The following CAP2 variants were observed in gnomAD, a reference collection of about 807,000 sequenced individuals.
The protein encoded by CAP2 is cyclase associated actin cytoskeleton regulatory protein 2.
A neutral mutation model predicts 57.7 loss-of-function variants in CAP2; 24 were observed. The ratio of observed to expected loss-of-function variants is 0.42; its 90% CI spans 0.30 to 0.58. The LOEUF (loss-of-function observed/expected upper bound fraction) is 0.58. Among genes scored for constraint, CAP2 ranks in the 20% least tolerant of loss-of-function variants. The pLI is 0.22. For synonymous variants in CAP2, 194 were observed against 207.2 expected (o/e 0.94, Z 0.55); for missense variants, 501 against 590.3 (o/e 0.85, Z 1.57).
intron 3 of CAP2, among the ~76,000 whole-genome samples, chr6:17,448,919 G>T (rs1409409980): frequency 6.6e-6 from 1 of 151,946 alleles, no homozygotes; most frequent in Non-Finnish European, 1.5e-5. Flanking sequence ...CCACCACCAC[G>T]CCAGGCTAAT....
intron 4 of CAP2, among the ~76,000 whole-genome samples, chr6:17,479,772 C>G (rs976943432): frequency 2.0e-5 from 3 of 151,710 alleles, no homozygotes; most frequent in African/African-American, 7.3e-5. Flanking sequence ...CCACCACACC[C>G]GGCTAATTTT....
At chr6:17,541,740 T>A (rs1034692131) in intron 9 of CAP2, among the ~76,000 whole-genome samples, 1 of 152,202 alleles carries the variant, frequency 6.6e-6, no homozygotes, top group Admixed American at 6.6e-5. Context: ...TACTCTGCTG[T>A]CGAATTAGAA....
At chr6:17,461,407 A>G (rs1760717016) in intron 3 of CAP2, among the ~76,000 whole-genome samples, 1 of 151,828 alleles carries the variant, frequency 6.6e-6, no homozygotes, top group Non-Finnish European at 1.5e-5. Context: ...TTGTGTTTTT[A>G]GTAGAGACAG....
chr6:17,436,825 A>G (rs1759904592), intron 3 of CAP2, among the ~76,000 whole-genome samples: 1 of 152,092 alleles, frequency 6.6e-6, no homozygotes, highest in Non-Finnish European at 1.5e-5. Flanking sequence ...AGTGGCAGGC[A>G]GGTGAGCGGC....
At chr6:17,458,034 C>T (rs916289814) in intron 3 of CAP2, among the ~76,000 whole-genome samples, 3 of 152,160 alleles carry the variant, frequency 2.0e-5, no homozygotes, top group Non-Finnish European at 4.4e-5. Flanking sequence ...TATAGCCAAG[C>T]TGTGCAAAGT....
intron 12 of CAP2, among the ~76,000 whole-genome samples, chr6:17,555,732 T>G (rs1177385340): frequency 6.6e-6 from 1 of 150,906 alleles, no homozygotes; most frequent in Non-Finnish European, 1.5e-5. Flanking sequence ...CCTGGCTAAT[T>G]TTTTGTATTT....
At chr6:17,460,666 A>G (rs573130722) in intron 3 of CAP2, among the ~76,000 whole-genome samples, 1 of 152,324 alleles carries the variant, frequency 6.6e-6, no homozygotes, top group African/African-American at 2.4e-5. Context: ...ATGATCTTTT[A>G]GGACATAAAA....
At chr6:17,469,392 G>C (rs1000946908) in intron 4 of CAP2, among the ~76,000 whole-genome samples, 5 of 151,584 alleles carry the variant, frequency 3.3e-5, no homozygotes, top group African/African-American at 9.7e-5. Flanking sequence ...AATGATCTCT[G>C]TGTGTGTGTG....
chr6:17,507,377 T>A, intron 5 of CAP2, 65 bp downstream of exon 5: 1 of 1,528,540 alleles, frequency 6.5e-7, no homozygotes, highest in Non-Finnish European at 9.0e-7. Flanking sequence ...GGAGAACTAG[T>A]AGCTTAGCTA....
chr6:17,453,371 G>A (rs561339349), intron 3 of CAP2, among the ~76,000 whole-genome samples: 125 of 152,260 alleles, frequency 8.2e-4, no homozygotes, highest in African/African-American at 2.8e-3. Flanking sequence ...TGCATGATTG[G>A]TATCACTTGG....
At chr6:17,469,546 A>G (rs1039604032) in intron 4 of CAP2, among the ~76,000 whole-genome samples, 3 of 152,146 alleles carry the variant, frequency 2.0e-5, no homozygotes, top group African/African-American at 7.2e-5. Context: ...GCTGCCTGGT[A>G]GGTTTTATTC....
intron 4 of CAP2, among the ~76,000 whole-genome samples, chr6:17,468,483 C>G (rs993640123): frequency 2.0e-5 from 3 of 152,224 alleles, no homozygotes; most frequent in Non-Finnish European, 4.4e-5. Context: ...CTGAACTGAT[C>G]TTAAGATGCA....
intron 3 of CAP2, among the ~76,000 whole-genome samples, chr6:17,447,175 TAAAA>T (rs5874607): frequency 7.5e-6 from 1 of 133,416 alleles, no homozygotes; most frequent in Non-Finnish European, 1.6e-5. Context: ...GGCAGCTAAT[TAAAA>T]AAAAAAAAAA....
At chr6:17,538,567 A>C (rs1368797317) in intron 7 of CAP2, among the ~76,000 whole-genome samples, 1 of 152,238 alleles carries the variant, frequency 6.6e-6, no homozygotes, top group African/African-American at 2.4e-5. Context: ...TGCTTTACAT[A>C]GCAGTGAAAA....
chr6:17,549,069 C>A (rs1763114701), intron 11 of CAP2, among the ~76,000 whole-genome samples: 1 of 152,098 alleles, frequency 6.6e-6, no homozygotes, highest in Non-Finnish European at 1.5e-5. Flanking sequence ...CAGAAGACAT[C>A]ATATGAAGCT....
intron 4 of CAP2, among the ~76,000 whole-genome samples, chr6:17,482,337 G>A (rs1273173455): frequency 1.3e-5 from 2 of 151,940 alleles, no homozygotes; most frequent in Non-Finnish European, 1.5e-5. Flanking sequence ...GTGAAACCCC[G>A]TCTCTACTAA....
At chr6:17,524,154 T>G (rs1309412000) in intron 7 of CAP2, among the ~76,000 whole-genome samples, 3 of 152,094 alleles carry the variant, frequency 2.0e-5, no homozygotes, top group African/African-American at 7.2e-5. Context: ...GTTGTCTAAT[T>G]TGATGGATTA....
intron 3 of CAP2, among the ~76,000 whole-genome samples, chr6:17,450,308 C>G (rs1297075127): frequency 6.6e-6 from 1 of 152,188 alleles, no homozygotes. Context: ...GTCTCGGCCC[C>G]CAAAGTGCTG....
intron 11 of CAP2, among the ~76,000 whole-genome samples, chr6:17,547,155 T>G (rs1466840359): frequency 6.6e-6 from 1 of 152,200 alleles, no homozygotes; most frequent in African/African-American, 2.4e-5. Context: ...AGGAGAACTA[T>G]AAGCCACTGT....
Sources: allele counts gnomAD v4.1 joint callset (sites outside exome capture counted in the v4.1 genomes callset), GRCh38; gene constraint gnomAD v4.1.1; transcripts MANE v1.5; gene names NCBI Gene and HGNC (gene_info 2026-07-23, HGNC 2026-07-21).